The following WDR72 variants were observed in gnomAD, a reference collection of about 807,000 sequenced individuals.
The protein encoded by WDR72 is WD repeat domain 72, also known as WD repeat-containing protein 72.
Under a neutral mutation model 124.2 loss-of-function variants are expected in WDR72, and 120 were observed. The observed-to-expected ratio is 0.97, with a 90% confidence interval of 0.83 to 1.12. The LOEUF (loss-of-function observed/expected upper bound fraction) is 1.12, where lower values mean the gene tolerates loss of function less well. Ranked by LOEUF, WDR72 falls within the 50% of genes most tolerant of loss-of-function variation. The pLI, the probability that WDR72 is intolerant of heterozygous loss-of-function variation, is 0.00. For missense variants in WDR72, 1,387 were observed against 1,278.8 expected, an observed-to-expected ratio of 1.08 and a Z score of -1.29; for synonymous variants, 452 against 441.7, an observed-to-expected ratio of 1.02 and a Z score of -0.29.
rs754553703 is a variant in WDR72, at chr15:53,523,282, C to T, written c.3189G>A (p.Ser1063=). 4.7e-5 allele frequency: 76 copies of T among 1,612,414 alleles called. No individual in the cohort carries two copies. Among genetic ancestry groups the T allele is most frequent in the Admixed American group, 1.3e-4 (8 of 59,852 alleles). ...TGTCCTCCACGTCTTGGAAGTTTGCCGAGTTTGAGTTGCTGTCATGCTTGA... is the reference window on the plus strand; with the variant it reads ...TGTCCTCCACGTCTTGGAAGTTTGCTGAGTTTGAGTTGCTGTCATGCTTGA... ...SPVKHDSNSN[S]ANFQDVEDMP... The change falls in exon 19 of 20, where the codon TCG becomes TCA. Residue 1063 remains serine, a synonymous_variant. Transcript: ENST00000360509.
chr15:53,628,246 T>C (rs1185698936), intron 14 of WDR72, among the ~76,000 whole-genome samples: 1 of 152,112 alleles, frequency 6.6e-6, no homozygotes, highest in Non-Finnish European at 1.5e-5. Flanking sequence ...TTTAAGTAAA[T>C]AAAAACTATA....
chr15:53,714,353 A>T (rs1223782445), intron 6 of WDR72, 81 bp downstream of exon 6: 1 of 1,116,034 alleles, frequency 9.0e-7, no homozygotes, highest in Non-Finnish European at 1.4e-6. Flanking sequence ...GACAATAAAC[A>T]TGTAATAGCC....
intron 8 of WDR72, 56 bp from the exon 9 acceptor site, chr15:53,711,009 T>A: frequency 6.2e-6 from 9 of 1,451,784 alleles, no homozygotes; most frequent in Non-Finnish European, 8.6e-6. Context: ...TTATTCGTTT[T>A]TTTTCCCCCT....
chr15:53,549,361 G>GAT (rs966196597), intron 18 of WDR72, among the ~76,000 whole-genome samples: 3 of 152,066 alleles, frequency 2.0e-5, no homozygotes, highest in Admixed American at 2.0e-4. Flanking sequence ...GAGTGTAGCT[G>GAT]ATAGACTCTG....
At position 53,658,687 on chromosome 15, in the gene WDR72, T is replaced by C. The variant is rs534771291; in HGVS notation, c.1962+6885A>G. 7.2e-4 allele frequency among the ~76,000 whole-genome samples: 110 copies of C among 152,354 alleles called. 2 individuals carry two copies. Among genetic ancestry groups the C allele is most frequent in the African/African-American group, 2.6e-3 (108 of 41,586 alleles). ...CATGTTTTACACAAATTCTTTTCTATTGAAGCTAGAGAATCCAAATTAAAC... is the reference window on the plus strand; with the variant it reads ...CATGTTTTACACAAATTCTTTTCTACTGAAGCTAGAGAATCCAAATTAAAC... On this transcript the variant is annotated intron_variant, in intron 14 of 19. Transcript: ENST00000360509.
At position 53,516,167 on chromosome 15, in the gene WDR72, C is replaced by G. The variant is rs1246344558; in HGVS notation, c.*1532G>C. The G allele has an allele frequency of 6.6e-6, 1 of 152,044 alleles. No individual in the cohort carries two copies. The highest frequency in any genetic ancestry group is 1.5e-5 in the Non-Finnish European group (1 of 67,986). 9.4% of individuals were successfully genotyped at this position (152,044 alleles called of 1,614,324 possible). On this transcript the variant is annotated 3_prime_UTR_variant, in exon 20 of 20. Coordinates refer to ENST00000360509, the MANE Select transcript of WDR72 (RefSeq NM_182758.4). ...TTTTCCATGATTATTCATATTAATG[C>G]TATGTTAGTTTCTAAACTTCAACTC...
chr15:53,524,452 C>A (rs1891992331), intron 18 of WDR72, among the ~76,000 whole-genome samples: 1 of 152,126 alleles, frequency 6.6e-6, no homozygotes, highest in South Asian at 2.1e-4. Flanking sequence ...GAGGCTGAGA[C>A]TGTGCTACTT....
rs182180808 is a variant in WDR72 at position 53,684,616 on chromosome 15, G to A, written c.1765+15134C>T. On this transcript the variant is annotated intron_variant, in intron 13 of 19. Transcript: ENST00000360509. ...GCAGTCTGAGATCAAACTGCAAGGC[G>A]GCAGCCAGGCTGGGGGAGGGGCGCC... 7.7e-3 allele frequency: 1,222 copies of A among 158,062 alleles called. 10 individuals carry two copies. The highest frequency in any genetic ancestry group is 0.012 in the Non-Finnish European group (872 of 72,886). 9.8% of individuals were successfully genotyped at this position (158,062 alleles called of 1,614,324 possible).
chr15:53,566,583 A>G (rs1894303470), intron 18 of WDR72, among the ~76,000 whole-genome samples: 1 of 151,844 alleles, frequency 6.6e-6, no homozygotes, highest in Non-Finnish European at 1.5e-5. Flanking sequence ...CAGTGTACAG[A>G]CACTACGCTT....
At chr15:53,700,090 T>TC (rs149156087) in intron 12 of WDR72, 145 bp from the exon 13 acceptor site, 17,781 of 895,894 alleles carry the variant, frequency 0.02, 358 homozygotes, top group East Asian at 0.071. Context: ...ACAGCACCTT[T>TC]CATGTAACCC....
At chr15:53,686,998 G>C (rs1240467004) in intron 13 of WDR72, among the ~76,000 whole-genome samples, 1 of 151,236 alleles carries the variant, frequency 6.6e-6, no homozygotes, top group Non-Finnish European at 1.5e-5. Flanking sequence ...AAATAAACAT[G>C]TTCTTTGAAA....
chr15:53,734,640 C>T (rs1331718965), intron 1 of WDR72, among the ~76,000 whole-genome samples: 1 of 151,964 alleles, frequency 6.6e-6, no homozygotes, highest in African/African-American at 2.4e-5. Context: ...GGCTTTTTGG[C>T]TAGGAGTTTG....
intron 18 of WDR72, among the ~76,000 whole-genome samples, chr15:53,578,833 T>G (rs963761048): frequency 2.0e-5 from 3 of 152,134 alleles, no homozygotes; most frequent in African/African-American, 7.2e-5. Flanking sequence ...CTTGGTAATT[T>G]GATAAAGACA....
At chr15:53,757,121 A>T (rs1488358373) in intron 1 of WDR72, among the ~76,000 whole-genome samples, 1 of 152,178 alleles carries the variant, frequency 6.6e-6, no homozygotes, top group Non-Finnish European at 1.5e-5. Flanking sequence ...GTTGATTAGG[A>T]AGAGGTCTTG....
At chr15:53,617,245 A>G (rs2013804841) in intron 14 of WDR72, among the ~76,000 whole-genome samples, 1 of 151,800 alleles carries the variant, frequency 6.6e-6, no homozygotes, top group South Asian at 2.1e-4. Flanking sequence ...CTCTATCTAC[A>G]TTTGTATATA....
At chr15:53,671,391 T>C (rs1362550891) in intron 13 of WDR72, among the ~76,000 whole-genome samples, 3 of 152,228 alleles carry the variant, frequency 2.0e-5, no homozygotes, top group African/African-American at 7.2e-5. Flanking sequence ...TCTCAGCTTC[T>C]TCACTTTATA....
chr15:53,578,150 T>C (rs2011711287), intron 18 of WDR72, among the ~76,000 whole-genome samples: 1 of 152,156 alleles, frequency 6.6e-6, no homozygotes, highest in Admixed American at 6.6e-5. Context: ...TACCCAGCAC[T>C]GACCTAGGCA....
intron 12 of WDR72, among the ~76,000 whole-genome samples, chr15:53,701,559 T>TCTCACACA (rs369568228): frequency 1.7e-3 from 209 of 120,164 alleles, no homozygotes; most frequent in East Asian, 0.012. Context: ...TCTCTCTCTC[T>TCTCACACA]CACACACACA....
chr15:53,748,899 A>G (rs768205064), intron 1 of WDR72, among the ~76,000 whole-genome samples: 32 of 152,140 alleles, frequency 2.1e-4, no homozygotes, highest in Non-Finnish European at 2.6e-4. Flanking sequence ...TAGTTTAAAA[A>G]TATTTATTAT....
Sources: gnomAD v4.1 joint callset for allele counts (sites outside exome capture counted in the v4.1 genomes callset) on GRCh38, gnomAD v4.1.1 for gene constraint, MANE v1.5 for transcripts, NCBI Gene and HGNC (gene_info 2026-07-23, HGNC 2026-07-21) for gene names.